Variants in RPP30 observed in about 807,000 individuals in gnomAD.
The protein encoded by RPP30 is ribonuclease P protein subunit p30.
In RPP30, 36 loss-of-function variants were observed where a neutral mutation model predicts 38.6. The observed-to-expected ratio is 0.93, with a 90% CI of 0.71 to 1.23. The LOEUF (loss-of-function observed/expected upper bound fraction) is 1.23. Ranked by LOEUF, RPP30 falls within the 50% of genes most tolerant of loss-of-function variation. The pLI, the probability that RPP30 is intolerant of heterozygous loss-of-function variation, is 0.00. For synonymous variants in RPP30, 126 were observed against 112.7 expected, an observed-to-expected ratio of 1.12 and a Z score of -0.75; for missense variants, 321 against 321.7, an observed-to-expected ratio of 1.00 and a Z score of 0.02.
At chr10:90,898,864 G>A (rs1847172125) in intron 10 of RPP30, among the ~76,000 whole-genome samples, 1 of 152,312 alleles carries the variant, frequency 6.6e-6, no homozygotes, top group South Asian at 2.1e-4. Context: ...GATTGATAAA[G>A]TTCATGCCCT....
At position 90,895,877 on chromosome 10, in the gene RPP30, C is replaced by G; in HGVS notation, c.580-3C>G. Reference sequence around the variant, plus strand: ...TATCTACTCTTTGTTCATTTTATTTCAGCCTTTAGAAATAAGAGGGCCATA... The same window carrying G: ...TATCTACTCTTTGTTCATTTTATTTGAGCCTTTAGAAATAAGAGGGCCATA... On this transcript the variant is annotated splice_region_variant and splice_polypyrimidine_tract_variant and intron_variant, in intron 8 of 10. Transcript: ENST00000371703. 1 of 1,590,704 alleles carries G rather than the reference C, an allele frequency of 6.3e-7. No homozygotes were observed. The highest frequency in any genetic ancestry group is 8.6e-7 in the Non-Finnish European group (1 of 1,166,078).
In RPP30 at chr10:90,876,205, C is replaced by T. The variant is rs543079530; in HGVS notation, c.270+107C>T. The T allele has an allele frequency of 2.6e-3, 1,784 of 686,562 alleles. 8 individuals are homozygous for T. Among genetic ancestry groups the T allele is most frequent in the Middle Eastern group, 5.7e-3 (23 of 4,070 alleles). 42.5% of individuals were successfully genotyped at this position (686,562 alleles called of 1,614,324 possible). A position where few individuals can be genotyped will look rare whatever the true frequency, so the allele number is the denominator to read the frequency against. On this transcript the variant is annotated intron_variant, in intron 4 of 10. Coordinates refer to ENST00000371703, the MANE Select transcript of RPP30 (RefSeq NM_006413.5). ...CCCATTTTACATTTTCCCTCGCCCC[C>T]GCCAAACCATGACACCTGCTTGCTC...
rs954164690 is a variant in RPP30, at chr10:90,901,384, T to C, written c.*705T>C. On this transcript the variant is annotated 3_prime_UTR_variant, in exon 11 of 11. Transcript: ENST00000371703. ...CAAACTTATATTGAAGAAGTGACTT[T>C]AGTTCCTCTTGTTTTAAGCTTCTTT... The C allele has an allele frequency of 1.0e-6, 1 of 983,390 alleles. No individual in the cohort carries two copies. The highest frequency in any genetic ancestry group is 4.7e-5 in the South Asian group (1 of 21,240). 60.9% of individuals were successfully genotyped at this position (983,390 alleles called of 1,614,324 possible).
chr10:90,889,304 CT>C (rs59640704), intron 6 of RPP30, among the ~76,000 whole-genome samples: 2,001 of 106,520 alleles, frequency 0.019, 9 homozygotes, highest in African/African-American at 0.045. Context: ...ATAAGGATTA[CT>C]TTTTTTTTTT....
intron 5 of RPP30, among the ~76,000 whole-genome samples, chr10:90,881,876 A>G (rs904123001): frequency 6.6e-6 from 1 of 152,212 alleles, no homozygotes; most frequent in Non-Finnish European, 1.5e-5. Flanking sequence ...GCATACACAC[A>G]CAGACAGACA....
At chr10:90,895,660 C>T (rs560766042) in intron 8 of RPP30, 177 bp downstream of exon 8, 1 of 492,224 alleles carries the variant, frequency 2.0e-6, no homozygotes, top group South Asian at 6.1e-5. Context: ...TAGGCTTCAA[C>T]TTTTGTTTAT....
At chr10:90,882,037 G>A (rs111637567) in intron 5 of RPP30, among the ~76,000 whole-genome samples, 17 of 152,302 alleles carry the variant, frequency 1.1e-4, no homozygotes, top group African/African-American at 3.8e-4. Flanking sequence ...AGATAAGGCA[G>A]AGATTAAAGA....
downstream of RPP30, among the ~76,000 whole-genome samples, chr10:90,906,891 CAGTG>C (rs1256606616): frequency 1.3e-5 from 2 of 152,244 alleles, no homozygotes; most frequent in East Asian, 1.9e-4. Flanking sequence ...AGAGTTGAGT[CAGTG>C]AGAAGGCAAG....
intron 6 of RPP30, among the ~76,000 whole-genome samples, chr10:90,886,173 A>C (rs978934628): frequency 2.0e-5 from 3 of 152,196 alleles, no homozygotes; most frequent in Admixed American, 1.3e-4. Flanking sequence ...GCTAATAATC[A>C]TGGGTACTTA....
rs778408171 is a variant in RPP30, at chr10:90,896,356, G to A, written c.661G>A (p.Val221Met). Residue 221 changes from valine (V) to methionine (M), a missense_variant, in exon 10 of 11, where the codon GTG (valine) becomes ATG (methionine). By Grantham distance (21) the Val-to-Met change is conservative. Transcript: ENST00000371703. Reference sequence around the variant, plus strand: ...CTCTGAAAGTGACGCCAAGGCTGCGGTGTCCACCAACTGCCGAGCAGCGCT... The same window carrying A: ...CTCTGAAAGTGACGCCAAGGCTGCGATGTCCACCAACTGCCGAGCAGCGCT... Reference protein sequence around the residue: ...GLSESDAKAAVSTNCRAALLH... With the variant: ...GLSESDAKAAMSTNCRAALLH... 14 of 1,614,032 alleles carry A rather than the reference G, an allele frequency of 8.7e-6. No individual in the cohort carries two copies. The Admixed American group carries it at 1.2e-4, about 13-fold the overall frequency.
At chr10:90,891,528 GC>G (rs1479523367) in intron 6 of RPP30, among the ~76,000 whole-genome samples, 2 of 152,130 alleles carry the variant, frequency 1.3e-5, no homozygotes, top group Non-Finnish European at 2.9e-5. Flanking sequence ...AACCCATTAT[GC>G]CTAGCAATCC....
intron 5 of RPP30, among the ~76,000 whole-genome samples, chr10:90,884,118 T>C (rs1467775957): frequency 6.6e-6 from 1 of 152,156 alleles, no homozygotes; most frequent in East Asian, 1.9e-4. Context: ...AATTGAGGGA[T>C]GTTTAATTGT....
intron 6 of RPP30, among the ~76,000 whole-genome samples, chr10:90,890,640 C>A (rs972428100): frequency 2.6e-5 from 4 of 151,922 alleles, no homozygotes. Flanking sequence ...TGTGTCCATT[C>A]AGTGCCAGCA....
chr10:90,884,845 G>A (rs1455973557), intron 5 of RPP30, among the ~76,000 whole-genome samples: 1 of 152,164 alleles, frequency 6.6e-6, no homozygotes, highest in Admixed American at 6.5e-5. Flanking sequence ...GTTTGTCAGC[G>A]TAGCCATCCT....
chr10:90,896,403 T>C lies in RPP30; in HGVS notation c.697+11T>C. ...CGCTTCTCCATGGAGGTAAGCAAGT[T>C]CTTCCAGTACAAACTGAATGGTCAT... On this transcript the variant is annotated intron_variant, in intron 10 of 10. Transcript: ENST00000371703. 1 of 1,609,350 alleles carries C rather than the reference T, an allele frequency of 6.2e-7. No individual in the cohort carries two copies. Among genetic ancestry groups the C allele is most frequent in the Non-Finnish European group, 8.5e-7 (1 of 1,175,624 alleles).
At chr10:90,876,287 A>C (rs1846851547) in intron 4 of RPP30, among the ~76,000 whole-genome samples, 189 bp downstream of exon 4, 1 of 152,192 alleles carries the variant, frequency 6.6e-6, no homozygotes, top group Non-Finnish European at 1.5e-5. Flanking sequence ...CTCATGGCAC[A>C]TGTGTAGTGA....
At chr10:90,890,150 C>G (rs1159015984) in intron 6 of RPP30, among the ~76,000 whole-genome samples, 2 of 152,164 alleles carry the variant, frequency 1.3e-5, no homozygotes, top group African/African-American at 2.4e-5. Flanking sequence ...TGTACTCAAG[C>G]TTTGATTCCA....
At chr10:90,887,922 T>C (rs561854738) in intron 6 of RPP30, among the ~76,000 whole-genome samples, 3 of 152,364 alleles carry the variant, frequency 2.0e-5, no homozygotes, top group African/African-American at 7.2e-5. Context: ...AGGAAAGTTC[T>C]GATTGGTTGT....
chr10:90,897,782 A>AT (rs200596071), intron 10 of RPP30, among the ~76,000 whole-genome samples: 7,625 of 151,366 alleles, frequency 0.05, 237 homozygotes, highest in Non-Finnish European at 0.076. Context: ...TATGTAAAGT[A>AT]TTTTTTTTTA....
Sources: gnomAD v4.1 joint callset for allele counts (sites outside exome capture counted in the v4.1 genomes callset) on GRCh38, gnomAD v4.1.1 for gene constraint, MANE v1.5 for transcripts, NCBI Gene and HGNC (gene_info 2026-07-23, HGNC 2026-07-21) for gene names.